NDST4: variants seen among roughly 807,000 people sequenced by gnomAD.
NDST4 encodes N-deacetylase and N-sulfotransferase 4.
Under a neutral mutation model 100.8 loss-of-function variants are expected in NDST4, and 63 were observed. The ratio of observed to expected loss-of-function variants is 0.62; its 90% CI spans 0.51 to 0.77. The LOEUF is 0.77. NDST4 is among the 30% of genes least tolerant of loss of function. NDST4 has a pLI of 0.00. For missense variants in NDST4, 943 were observed against 1,018.4 expected, an observed-to-expected ratio of 0.93 and a Z score of 1.01; for synonymous variants, 377 against 361.8, an observed-to-expected ratio of 1.04 and a Z score of -0.48.
At chr4:115,027,413 G>C (rs900831844) in intron 2 of NDST4, among the ~76,000 whole-genome samples, 3 of 152,076 alleles carry the variant, frequency 2.0e-5, no homozygotes, top group African/African-American at 4.8e-5. Flanking sequence ...CACATACCAA[G>C]CTCTCTGGGC....
chr4:114,973,622 C>T (rs1404739663), intron 3 of NDST4, among the ~76,000 whole-genome samples: 1 of 151,762 alleles, frequency 6.6e-6, no homozygotes, highest in Non-Finnish European at 1.5e-5. Context: ...TTTACTATCA[C>T]TTTTGGAGAA....
intron 3 of NDST4, among the ~76,000 whole-genome samples, chr4:114,974,969 T>G (rs551997930): frequency 2.0e-5 from 3 of 152,212 alleles, no homozygotes; most frequent in Non-Finnish European, 2.9e-5. Flanking sequence ...ACAGAGACAG[T>G]CAGTCCGACA....
chr4:115,015,226 C>A (rs1346592892), intron 2 of NDST4, among the ~76,000 whole-genome samples: 1 of 151,992 alleles, frequency 6.6e-6, no homozygotes, highest in Non-Finnish European at 1.5e-5. Flanking sequence ...CACCTATGGC[C>A]TCATTGGAAA....
At chr4:114,871,847 A>G (rs1724155461) in intron 6 of NDST4, among the ~76,000 whole-genome samples, 1 of 152,048 alleles carries the variant, frequency 6.6e-6, no homozygotes, top group Admixed American at 6.6e-5. Context: ...ATTGATCTGT[A>G]TTGTAAATGT....
intron 11 of NDST4, 101 bp from the exon 12 acceptor site, chr4:114,833,816 G>A (rs1222108612): frequency 1.5e-6 from 1 of 684,302 alleles, no homozygotes; most frequent in South Asian, 1.9e-5. Context: ...TTAGATCAGT[G>A]TGAATAGGAA....
intron 10 of NDST4, 47 bp from the exon 11 acceptor site, chr4:114,839,595 G>T: frequency 1.3e-6 from 2 of 1,573,400 alleles, no homozygotes; most frequent in Admixed American, 3.4e-5. Flanking sequence ...TTTAATGCCT[G>T]TGTAGATATG....
At chr4:114,838,953 C>T (rs144927580) in intron 11 of NDST4, among the ~76,000 whole-genome samples, 4 of 152,124 alleles carry the variant, frequency 2.6e-5, no homozygotes, top group Non-Finnish European at 5.9e-5. Flanking sequence ...CTTATAAGGG[C>T]CATACAGAAC....
At chr4:115,097,009 T>C (rs1316759363) in intron 1 of NDST4, among the ~76,000 whole-genome samples, 1 of 152,104 alleles carries the variant, frequency 6.6e-6, no homozygotes, top group Non-Finnish European at 1.5e-5. Context: ...ACAGAAACTA[T>C]CTTTAGTAAG....
intron 2 of NDST4, among the ~76,000 whole-genome samples, chr4:114,979,309 T>A (rs1198885081): frequency 6.6e-6 from 1 of 151,394 alleles, no homozygotes; most frequent in African/African-American, 2.4e-5. Flanking sequence ...CTTTATTGCA[T>A]CCATGCTCTA....
At position 114,976,788 on chromosome 4, in the gene NDST4, A is replaced by G. The variant is rs904497471; in HGVS notation, c.1066+399T>C. On this transcript the variant is annotated intron_variant, in intron 3 of 13. Transcript: ENST00000264363. ...TCTATCATCAGATGTTTTCCAAAGG[A>G]AAATAATATGTACAAAAGTATCTAT... Among the ~76,000 whole-genome samples the G allele has an allele frequency of 2.6e-5, 4 of 152,114 alleles. No individual in the cohort carries two copies. The East Asian group carries it at 7.7e-4, about 29-fold the overall frequency.
At chr4:114,944,974 C>T (rs1725828524) in intron 4 of NDST4, among the ~76,000 whole-genome samples, 1 of 151,938 alleles carries the variant, frequency 6.6e-6, no homozygotes, top group Non-Finnish European at 1.5e-5. Context: ...CTTTGGGAGG[C>T]CGAGGCAGGC....
chr4:114,884,526 G>C (rs1330794816), intron 6 of NDST4, among the ~76,000 whole-genome samples: 1 of 152,050 alleles, frequency 6.6e-6, no homozygotes, highest in Non-Finnish European at 1.5e-5. Flanking sequence ...TCTGATAGTA[G>C]TTCTTTAAGT....
At chr4:114,956,296 T>C (rs957169143) in intron 4 of NDST4, among the ~76,000 whole-genome samples, 2 of 152,122 alleles carry the variant, frequency 1.3e-5, no homozygotes, top group Non-Finnish European at 2.9e-5. Context: ...GAGGCAGGTC[T>C]CAAGAAGAGA....
At chr4:115,025,764 T>G (rs1727970529) in intron 2 of NDST4, among the ~76,000 whole-genome samples, 3 of 152,176 alleles carry the variant, frequency 2.0e-5, no homozygotes, top group Admixed American at 2.0e-4. Flanking sequence ...TTAAAGTTTC[T>G]GTAATTTCAA....
At chr4:115,038,967 G>C (rs1039966259) in intron 2 of NDST4, among the ~76,000 whole-genome samples, 1 of 151,254 alleles carries the variant, frequency 6.6e-6, no homozygotes, top group African/African-American at 2.5e-5. Context: ...GTGACAGCAA[G>C]ATACTACCTC....
At chr4:115,056,876 A>G (rs1217000374) in intron 2 of NDST4, among the ~76,000 whole-genome samples, 1 of 140,128 alleles carries the variant, frequency 7.1e-6, no homozygotes, top group Admixed American at 7.4e-5. Context: ...GATTACGGTC[A>G]GAGATCAATT....
At chr4:115,022,642 G>A (rs569729750) in intron 2 of NDST4, among the ~76,000 whole-genome samples, 5 of 151,952 alleles carry the variant, frequency 3.3e-5, no homozygotes, top group Non-Finnish European at 7.4e-5. Context: ...CAAATGAAAT[G>A]GTTTGGCTAT....
At chr4:114,973,335 T>G (rs6837715) in intron 3 of NDST4, among the ~76,000 whole-genome samples, 1,671 of 151,694 alleles carry the variant, frequency 0.011, 40 homozygotes, top group African/African-American at 0.037. Flanking sequence ...TGTGACCAGA[T>G]TAGCACATTT....
intron 6 of NDST4, among the ~76,000 whole-genome samples, chr4:114,929,070 G>GTCCATCCATCCATTCA (rs1264473414): frequency 2.2e-5 from 2 of 92,782 alleles, no homozygotes; most frequent in African/African-American, 7.3e-5. Context: ...CCGTCCGTCC[G>GTCCATCCATCCATTCA]TCCGTCCATC....
Sources: gnomAD v4.1 joint callset for allele counts (sites outside exome capture counted in the v4.1 genomes callset) on GRCh38, gnomAD v4.1.1 for gene constraint, MANE v1.5 for transcripts, NCBI Gene and HGNC (gene_info 2026-07-23, HGNC 2026-07-21) for gene names.